RNF145: variants seen among roughly 807,000 people sequenced by gnomAD.
RNF145 encodes the protein ring finger protein 145.
In RNF145, 12 loss-of-function variants were observed where a neutral mutation model predicts 57.3. The observed-to-expected ratio is 0.21, with a 90% confidence interval of 0.13 to 0.34. The LOEUF is 0.34. Among genes scored for constraint, RNF145 ranks in the 10% least tolerant of loss-of-function variants. The pLI, the probability that RNF145 is intolerant of heterozygous loss-of-function variation, is 1.00. For synonymous variants in RNF145, 262 were observed against 288.3 expected, an observed-to-expected ratio of 0.91 and a Z score of 0.92; for missense variants, 429 against 799.0, an observed-to-expected ratio of 0.54 and a Z score of 5.58.
Position 159,209,456 on chromosome 5 carries a change from C to T in RNF145, c.-265G>A. 1 of 982,574 alleles carries T rather than the reference C, an allele frequency of 1.0e-6. No homozygotes were observed. The highest frequency in any genetic ancestry group is 5.2e-4 in the Middle Eastern group (1 of 1,908). 60.9% of individuals were successfully genotyped at this position (982,574 alleles called of 1,614,324 possible). ...CGGCCCGTACGGTCACCATCGTCCG[C>T]GGCAGCAGGCGCTCGCGGGCCGAGC... On this transcript the variant is annotated 5_prime_UTR_variant, in exon 1 of 11. Transcript: ENST00000424310.
chr5:159,206,900 G>A (rs1259684918), intron 1 of RNF145, among the ~76,000 whole-genome samples: 1 of 151,630 alleles, frequency 6.6e-6, no homozygotes, highest in African/African-American at 2.4e-5. Context: ...TGTGTCTGCA[G>A]GTAACATAAA....
At chr5:159,208,001 G>GAC in intron 1 of RNF145, 14 of 1,546,850 alleles carry the variant, frequency 9.1e-6, no homozygotes, top group Non-Finnish European at 1.2e-5. Context: ...AAAATAAAAA[G>GAC]ACACACAGTC....
At chr5:159,161,032 C>A in intron 10 of RNF145, 1 of 423,790 alleles carries the variant, frequency 2.4e-6, no homozygotes, top group East Asian at 4.2e-5. Flanking sequence ...TATGGGTGAG[C>A]AATAATGTTG....
chr5:159,207,503 T>TA, intron 1 of RNF145: 1 of 1,528,500 alleles, frequency 6.5e-7, no homozygotes, highest in South Asian at 1.2e-5. Context: ...TCCCAACCAG[T>TA]TAAAAAAAAA....
chr5:159,187,056 G>A lies in RNF145; in HGVS notation c.294-5005C>T, dbSNP rs111956043. Among the ~76,000 whole-genome samples, 1,516 of 151,792 alleles carry A rather than the reference G, an allele frequency of 1.0e-2. 13 individuals carry two copies. The highest frequency in any genetic ancestry group is 0.017 in the Admixed American group (264 of 15,270). On this transcript the variant is annotated intron_variant, in intron 3 of 10. Transcript: ENST00000424310. Reference sequence around the variant, plus strand: ...AGCACTTTGGGAGGCCAAGGTGGGCGGATCACCTGAGGTCAGGAGTTCAAG... The same window carrying A: ...AGCACTTTGGGAGGCCAAGGTGGGCAGATCACCTGAGGTCAGGAGTTCAAG...
chr5:159,194,496 T>TAA (rs1785389131), intron 3 of RNF145, among the ~76,000 whole-genome samples: 1 of 152,198 alleles, frequency 6.6e-6, no homozygotes, highest in South Asian at 2.1e-4. Context: ...AACATAACCT[T>TAA]AAGGCTTGTT....
rs1187665124 is a variant in RNF145 at position 159,161,554 on chromosome 5, G to T, written c.1338C>A (p.Asn446Lys). 4.3e-6 allele frequency: 7 copies of T among 1,612,950 alleles called. No homozygotes were observed. The highest frequency in any genetic ancestry group is 1.3e-5 in the African/African-American group (1 of 74,720). Residue 446 changes from asparagine (N) to lysine (K), a missense_variant, in exon 10 of 11, where the codon AAC becomes AAA. By Grantham distance (94) the Asn-to-Lys change is moderately conservative. This residue lies in a region of RNF145 where 216 missense variants were observed against 457.6 expected (regional missense o/e 0.47). Coordinates refer to ENST00000424310, the MANE Select transcript of RNF145 (RefSeq NM_001199383.2). ...VEEFRKEPVE[N>K]MDDVIYYVNG... is the part of the protein sequence containing the mutation. Reference sequence around the variant, plus strand: ...TCACATAGTAGATGACATCATCCATGTTTTCCACTGGCTCTTTTCTGAATT... The same window carrying T: ...TCACATAGTAGATGACATCATCCATTTTTTCCACTGGCTCTTTTCTGAATT...
At position 159,203,648 on chromosome 5, in the gene RNF145, G is replaced by A; in HGVS notation, c.-31C>T. On this transcript the variant is annotated 5_prime_UTR_variant, in exon 2 of 11. Coordinates refer to ENST00000424310, the MANE Select transcript of RNF145 (RefSeq NM_001199383.2). The stretch of plus-strand genomic sequence containing the variant: ...TTTTTTTTTTCTTTTTTTTTTTCTT[G>A]GAGAAGACCTAAAATTCAGAAGACA... 1 of 1,550,244 alleles carries A rather than the reference G, an allele frequency of 6.5e-7. No homozygotes were observed.
chr5:159,167,004 T>C (rs1332327797), intron 8 of RNF145, among the ~76,000 whole-genome samples: 2 of 152,160 alleles, frequency 1.3e-5, no homozygotes, highest in East Asian at 3.8e-4. Flanking sequence ...ATAACTGTTC[T>C]TTGGAATTTG....
chr5:159,157,958 CAA>C lies in RNF145; in HGVS notation c.*710_*711del, dbSNP rs1428821981. The stretch of plus-strand genomic sequence containing the variant: ...CCAGCGAAGTATACAACATATTTAA[CAA>C]AAGTTTCATATACATCAAAATACTG... On this transcript the variant is annotated 3_prime_UTR_variant, in exon 11 of 11. Coordinates refer to ENST00000424310, the MANE Select transcript of RNF145 (RefSeq NM_001199383.2). 1.3e-5 allele frequency: 2 copies of C among 152,852 alleles called. No individual in the cohort carries two copies. The highest frequency in any genetic ancestry group is 1.9e-4 in the East Asian group (1 of 5,310). 9.5% of individuals were successfully genotyped at this position (152,852 alleles called of 1,614,324 possible).
chr5:159,209,363 C>A lies in RNF145; in HGVS notation c.-172G>T. ...GCCGGTACGGCACGGCTCACAGCGG[C>A]GGCTCTTCTGCGCCGAGCCTCGGAT... On this transcript the variant is annotated 5_prime_UTR_variant, in exon 1 of 11. Transcript: ENST00000424310. 3 of 986,022 alleles carry A rather than the reference C, an allele frequency of 3.0e-6. No individual in the cohort carries two copies. The highest frequency in any genetic ancestry group is 3.6e-6 in the Non-Finnish European group (3 of 829,976). 61.1% of individuals were successfully genotyped at this position (986,022 alleles called of 1,614,324 possible). A position where few individuals can be genotyped will look rare whatever the true frequency, so the allele number is the denominator to read the frequency against.
chr5:159,209,809 A>C (rs749917454), upstream of RNF145: 44 of 1,522,494 alleles, frequency 2.9e-5, no homozygotes, highest in Admixed American at 1.4e-4. Context: ...GTGCTCTCTC[A>C]CTCCCAAACA....
At chr5:159,175,707 G>A (rs760364944) in intron 5 of RNF145, among the ~76,000 whole-genome samples, 8 of 152,106 alleles carry the variant, frequency 5.3e-5, no homozygotes, top group South Asian at 2.1e-4. Context: ...TGTGTAAGAC[G>A]AAGATAGAAT....
At chr5:159,203,161 G>A (rs1785731376) in intron 2 of RNF145, among the ~76,000 whole-genome samples, 1 of 152,094 alleles carries the variant, frequency 6.6e-6, no homozygotes. Context: ...ATTTCTCATT[G>A]TTTATATTTC....
At position 159,194,768 on chromosome 5, in the gene RNF145, A is replaced by G; in HGVS notation, c.241T>C (p.Tyr81His). The change falls in exon 3 of 11, where the codon TAT becomes CAT. Residue 81 changes from tyrosine (Y) to histidine (H), a missense_variant. Tyr to His is a moderately conservative substitution (Grantham distance 83). Coordinates refer to ENST00000424310, the MANE Select transcript of RNF145 (RefSeq NM_001199383.2). ...AGCAGAGCAGTCAAAAAATATAGATAAAGCTGAACCAGATGCTGCCTGGGC... is the reference window on the plus strand; with the variant it reads ...AGCAGAGCAGTCAAAAAATATAGATGAAGCTGAACCAGATGCTGCCTGGGC... ...TLPRQHLVQL[Y>H]LYFLTALLLY... 6.2e-7 allele frequency: 1 copy of G among 1,613,906 alleles called. No homozygotes were observed.
At position 159,176,845 on chromosome 5, in the gene RNF145, T is replaced by C; in HGVS notation, c.408A>G (p.Leu136=). Residue 136 remains leucine (L), a synonymous_variant, in exon 5 of 11, where the codon TTA becomes TTG. Transcript: ENST00000424310. ...GCTTTGTTTTCATGACACAGGAGCA[T>C]AAAGTACACACCACCAACTGACCTA... The part of the protein sequence containing the change: ...ALIGQLVVCT[L]CSCVMKTKQI... 6.2e-7 allele frequency: 1 copy of C among 1,610,576 alleles called. No homozygotes were observed. Among genetic ancestry groups the C allele is most frequent in the Non-Finnish European group, 8.5e-7 (1 of 1,177,550 alleles).
intron 3 of RNF145, among the ~76,000 whole-genome samples, chr5:159,189,712 G>A (rs1785217743): frequency 6.6e-6 from 1 of 152,116 alleles, no homozygotes; most frequent in Non-Finnish European, 1.5e-5. Context: ...AAAGATAATT[G>A]GATGTATAAA....
At chr5:159,208,968 G>A (rs1201857335) in intron 1 of RNF145, among the ~76,000 whole-genome samples, 2 of 151,766 alleles carry the variant, frequency 1.3e-5, no homozygotes, top group Non-Finnish European at 2.9e-5. Flanking sequence ...TTTGCGCGGG[G>A]CCCAGGAGGG....
chr5:159,207,069 C>G (rs1785913998), intron 1 of RNF145, among the ~76,000 whole-genome samples: 1 of 152,018 alleles, frequency 6.6e-6, no homozygotes, highest in Non-Finnish European at 1.5e-5. Context: ...GGCTTAGAAG[C>G]AGCAATCCGT....
Sources: gnomAD v4.1 joint callset for allele counts (sites outside exome capture counted in the v4.1 genomes callset) on GRCh38, gnomAD v4.1.1 for gene constraint, gnomAD v4.1.1 regional missense constraint, MANE v1.5 for transcripts, NCBI Gene and HGNC (gene_info 2026-07-23, HGNC 2026-07-21) for gene names.